The following PCDH17 variants were observed in gnomAD, a reference collection of about 807,000 sequenced individuals.
PCDH17 encodes protocadherin-17.
In PCDH17, 21 loss-of-function variants were observed where a neutral mutation model predicts 67.7. The ratio of observed to expected loss-of-function variants is 0.31; its 90% CI spans 0.22 to 0.45. PCDH17 has a LOEUF of 0.45. PCDH17 is among the 20% of genes least tolerant of loss of function. PCDH17 has a pLI of 1.00. For missense variants in PCDH17, 1,471 were observed against 1,564.8 expected, an observed-to-expected ratio of 0.94 and a Z score of 1.01; for synonymous variants, 701 against 656.7, an observed-to-expected ratio of 1.07 and a Z score of -1.03.
chr13:57,633,484 A>T lies in PCDH17; in HGVS notation c.938A>T (p.Glu313Val). 6.2e-7 allele frequency: 1 copy of T among 1,613,848 alleles called. No individual in the cohort carries two copies. Reference sequence around the variant, plus strand: ...GTGAAGGGCAATCTGGACTATGAGGAAAACGGGATGCTGGAGATTGACGTG... The same window carrying T: ...GTGAAGGGCAATCTGGACTATGAGGTAAACGGGATGCTGGAGATTGACGTG... Reference protein sequence around the residue: ...IRVKGNLDYEENGMLEIDVQA... With the variant: ...IRVKGNLDYEVNGMLEIDVQA... The change falls in exon 1 of 4, where the codon GAA (glutamate) becomes GTA (valine). Residue 313 changes from glutamate (E) to valine (V), a missense_variant. Physicochemically the swap from Glu to Val is moderately radical, Grantham distance 121. This residue lies in a region of PCDH17 where 1,163 missense variants were observed against 1,230.0 expected (regional missense o/e 0.95). Transcript: ENST00000377918. This position sits in a 1 kb window ranked among gnomAD's most constrained non-coding sequence, Gnocchi z 6.2.
At chr13:57,705,050 TCTC>T (rs1955708312) in intron 3 of PCDH17, among the ~76,000 whole-genome samples, 1 of 151,988 alleles carries the variant, frequency 6.6e-6, no homozygotes, top group Non-Finnish European at 1.5e-5. Context: ...CATTTACTCT[TCTC>T]CTCCTCCACA....
rs746276538 is a variant in PCDH17, at chr13:57,632,731, G to C, written c.185G>C (p.Gly62Ala). The change falls in exon 1 of 4, where the codon GGT becomes GCT. Residue 62 changes from glycine (G) to alanine (A), a missense_variant. This residue lies in a region of PCDH17 where 1,163 missense variants were observed against 1,230.0 expected (regional missense o/e 0.95). Coordinates refer to ENST00000377918, the MANE Select transcript of PCDH17 (RefSeq NM_001040429.3). The stretch of plus-strand genomic sequence containing the variant: ...GGCGGCGGAGGGCGCAGCAAGTCGG[G>C]TAGCTACCGGGTGCTGGAGAACTCC... ...ERGGGGRSKS[G>A]SYRVLENSAP... is the part of the protein sequence containing the mutation. The C allele has an allele frequency of 1.2e-6, 2 of 1,611,966 alleles. No individual in the cohort carries two copies. The highest frequency in any genetic ancestry group is 4.5e-5 in the East Asian group (2 of 44,836).
intron 3 of PCDH17, among the ~76,000 whole-genome samples, chr13:57,722,784 T>C (rs1173274802): frequency 1.3e-5 from 2 of 152,040 alleles, no homozygotes; most frequent in Admixed American, 1.3e-4. Context: ...TTAAATTTTT[T>C]ATTTTTGTAG....
chr13:57,712,936 T>C (rs1955789251), intron 3 of PCDH17, among the ~76,000 whole-genome samples: 1 of 151,672 alleles, frequency 6.6e-6, no homozygotes, highest in African/African-American at 2.4e-5. Context: ...CAGAAAATAC[T>C]CTCCAAGATA....
intron 3 of PCDH17, among the ~76,000 whole-genome samples, chr13:57,705,180 T>TG (rs1185876183): frequency 1.3e-5 from 2 of 151,992 alleles, no homozygotes; most frequent in Non-Finnish European, 2.9e-5. Flanking sequence ...GAAATGCCTT[T>TG]GCTAATAACC....
rs1216134387 is a variant in PCDH17, at chr13:57,725,694, T to C, written c.*400T>C. The C allele has an allele frequency of 6.1e-6, 1 of 164,758 alleles. No homozygotes were observed. Among genetic ancestry groups the C allele is most frequent in the East Asian group, 1.7e-4 (1 of 5,810 alleles). 10.2% of individuals were successfully genotyped at this position (164,758 alleles called of 1,614,324 possible). A position where few individuals can be genotyped will look rare whatever the true frequency, so the allele number is the denominator to read the frequency against. On this transcript the variant is annotated 3_prime_UTR_variant, in exon 4 of 4. Transcript: ENST00000377918. ...CCGTGATTTATGCTGACTTAACTGT[T>C]TACCTATAAACCCCATACAAAGCAG...
intron 3 of PCDH17, among the ~76,000 whole-genome samples, chr13:57,692,630 A>G (rs977481973): frequency 1.3e-5 from 2 of 151,258 alleles, no homozygotes; most frequent in African/African-American, 4.8e-5. Context: ...AGAAGATGGA[A>G]AGAACACAAA....
At chr13:57,682,308 C>T (rs910647235) in intron 3 of PCDH17, among the ~76,000 whole-genome samples, 2 of 151,680 alleles carry the variant, frequency 1.3e-5, no homozygotes, top group African/African-American at 4.8e-5. Context: ...TTCACTCACC[C>T]CCAGTGTATC....
chr13:57,644,803 T>C (rs1954946152), intron 1 of PCDH17, among the ~76,000 whole-genome samples: 1 of 151,730 alleles, frequency 6.6e-6, no homozygotes, highest in Non-Finnish European at 1.5e-5. Flanking sequence ...AGTTGACATG[T>C]AATGTCTCAG....
chr13:57,658,866 G>A (rs1223067036), intron 1 of PCDH17, among the ~76,000 whole-genome samples: 1 of 151,952 alleles, frequency 6.6e-6, no homozygotes, highest in Non-Finnish European at 1.5e-5. Context: ...CTCAACCTCC[G>A]CCTCCTGGGT....
At position 57,727,898 on chromosome 13, in the gene PCDH17, AT is replaced by A. The variant is rs1473116407; in HGVS notation, c.*2608del. On this transcript the variant is annotated 3_prime_UTR_variant, in exon 4 of 4. Transcript: ENST00000377918. The stretch of plus-strand genomic sequence containing the variant: ...GAAACCAGCAAAGAGAGTAGGGTTT[AT>A]TTTATAAACATTCTTAATGCTAAGT... 1 of 152,568 alleles carries A rather than the reference AT, an allele frequency of 6.6e-6. No individual in the cohort carries two copies. Among genetic ancestry groups the A allele is most frequent in the Non-Finnish European group, 1.5e-5 (1 of 67,988 alleles). 9.5% of individuals were successfully genotyped at this position (152,568 alleles called of 1,614,324 possible).
intron 3 of PCDH17, among the ~76,000 whole-genome samples, chr13:57,689,120 T>A (rs1290979978): frequency 6.6e-6 from 1 of 152,094 alleles, no homozygotes; most frequent in South Asian, 2.1e-4. Context: ...AATGTGTTAA[T>A]TAAAAATATT....
chr13:57,695,967 A>G (rs146725739), intron 3 of PCDH17, among the ~76,000 whole-genome samples: 10 of 151,484 alleles, frequency 6.6e-5, no homozygotes, highest in Non-Finnish European at 1.3e-4. Context: ...GCTGATATAG[A>G]TCAAGTCCCT....
chr13:57,636,707 TAATC>T (rs1337916317), intron 1 of PCDH17, among the ~76,000 whole-genome samples: 4 of 152,182 alleles, frequency 2.6e-5, no homozygotes, highest in Admixed American at 2.6e-4. Context: ...GTATTTATGA[TAATC>T]AATACGTATT....
At chr13:57,710,083 T>G (rs1593944945) in intron 3 of PCDH17, among the ~76,000 whole-genome samples, 2 of 152,014 alleles carry the variant, frequency 1.3e-5, no homozygotes, top group Non-Finnish European at 2.9e-5. Flanking sequence ...TTAATTTCAC[T>G]TAGGAAATAG....
At chr13:57,669,157 A>AT (rs1955291573) in intron 3 of PCDH17, among the ~76,000 whole-genome samples, 1 of 151,964 alleles carries the variant, frequency 6.6e-6, no homozygotes, top group South Asian at 2.1e-4. Flanking sequence ...ATGTCCCTAC[A>AT]TTTTTTAAAG....
At chr13:57,661,921 G>T (rs1480604998) in intron 1 of PCDH17, among the ~76,000 whole-genome samples, 1 of 152,092 alleles carries the variant, frequency 6.6e-6, no homozygotes, top group Non-Finnish European at 1.5e-5. Context: ...AATCTGGAGT[G>T]CAGATTGAGC....
intron 3 of PCDH17, among the ~76,000 whole-genome samples, chr13:57,680,645 A>G (rs1040913191): frequency 3.3e-5 from 5 of 151,526 alleles, no homozygotes; most frequent in African/African-American, 1.2e-4. Context: ...GAAAATGCAA[A>G]CAACTTGATG....
intron 1 of PCDH17, among the ~76,000 whole-genome samples, chr13:57,653,437 C>G (rs1955065337): frequency 6.6e-6 from 1 of 152,016 alleles, no homozygotes. Context: ...CACAGAAAAG[C>G]TAGATGAATC....
Sources: allele counts gnomAD v4.1 joint callset (sites outside exome capture counted in the v4.1 genomes callset), GRCh38; gene constraint gnomAD v4.1.1; regional missense constraint gnomAD v4.1.1; non-coding constraint Gnocchi (gnomAD v3.1); transcripts MANE v1.5; gene names NCBI Gene and HGNC (gene_info 2026-07-23, HGNC 2026-07-21).